STAG1: variants seen among roughly 807,000 people sequenced by gnomAD.
STAG1 encodes STAG1 cohesin complex component, also known as cohesin subunit SA-1.
STAG1 carries 26 observed loss-of-function variants against 170.9 expected under a neutral mutation model. The observed-to-expected ratio is 0.15, with a 90% CI of 0.11 to 0.21. The LOEUF (loss-of-function observed/expected upper bound fraction) is 0.21, where lower values mean the gene tolerates loss of function less well. Ranked by LOEUF, STAG1 falls within the 10% of genes least tolerant of loss-of-function variation. STAG1 has a pLI of 1.00. For synonymous variants in STAG1, 514 were observed against 497.7 expected, an observed-to-expected ratio of 1.03 and a Z score of -0.44; for missense variants, 964 against 1,509.5, an observed-to-expected ratio of 0.64 and a Z score of 5.99.
intron 1 of STAG1, among the ~76,000 whole-genome samples, chr3:136,662,527 T>G (rs887466212): frequency 6.6e-6 from 1 of 152,010 alleles, no homozygotes; most frequent in African/African-American, 2.4e-5. Context: ...CACTGCAGCA[T>G]CAACCTCCCA....
chr3:136,426,293 C>T (rs556472153), intron 16 of STAG1, among the ~76,000 whole-genome samples: 1 of 152,128 alleles, frequency 6.6e-6, no homozygotes, highest in East Asian at 1.9e-4. Flanking sequence ...GCCTGTAGTC[C>T]CAGCTACTCT....
chr3:136,522,506 A>C (rs1423961925), intron 6 of STAG1, among the ~76,000 whole-genome samples: 1 of 150,922 alleles, frequency 6.6e-6, no homozygotes, highest in Non-Finnish European at 1.5e-5. Flanking sequence ...ATATCACAAA[A>C]CCCCACTATA....
intron 7 of STAG1, 106 bp downstream of exon 7, chr3:136,521,107 T>C: frequency 4.2e-6 from 4 of 943,934 alleles, no homozygotes; most frequent in Non-Finnish European, 6.3e-6. Context: ...AATGACTGTT[T>C]TATTCTAATT....
At chr3:136,386,823 G>T (rs1398461190) in intron 22 of STAG1, among the ~76,000 whole-genome samples, 1 of 152,066 alleles carries the variant, frequency 6.6e-6, no homozygotes, top group Admixed American at 6.6e-5. Context: ...ATGAAATACG[G>T]TTAACATAAT....
At chr3:136,714,908 A>C (rs1323732482) in intron 1 of STAG1, among the ~76,000 whole-genome samples, 1 of 97,970 alleles carries the variant, frequency 1.0e-5, no homozygotes, top group African/African-American at 4.5e-5. Context: ...GCCCCATCTC[A>C]AAAAAAAAAA....
At chr3:136,477,139 T>A (rs868559560) in intron 10 of STAG1, 150 bp downstream of exon 10, 2 of 798,230 alleles carry the variant, frequency 2.5e-6, no homozygotes, top group Middle Eastern at 6.2e-4. Context: ...TTCATCACAA[T>A]CATCAAGTAA....
At chr3:136,740,656 T>C (rs1464606741) in intron 1 of STAG1, among the ~76,000 whole-genome samples, 2 of 152,150 alleles carry the variant, frequency 1.3e-5, no homozygotes, top group East Asian at 3.9e-4. Context: ...ATTTTTTGTA[T>C]TTTTTGTAGA....
intron 22 of STAG1, among the ~76,000 whole-genome samples, chr3:136,378,540 T>C (rs547673967): frequency 9.2e-5 from 14 of 152,278 alleles, no homozygotes; most frequent in Non-Finnish European, 1.8e-4. Flanking sequence ...TGGTGGAGCA[T>C]GCCTGTAGTC....
intron 9 of STAG1, among the ~76,000 whole-genome samples, chr3:136,485,927 G>A (rs1352817727): frequency 6.6e-6 from 1 of 152,078 alleles, no homozygotes; most frequent in Non-Finnish European, 1.5e-5. Context: ...GGAAATTTAA[G>A]TTGTTTCCAA....
chr3:136,549,081 A>G (rs554912711), intron 5 of STAG1, among the ~76,000 whole-genome samples: 2 of 152,338 alleles, frequency 1.3e-5, no homozygotes, highest in East Asian at 3.9e-4. Flanking sequence ...ACTCGGTCTC[A>G]GATATTTCTT....
chr3:136,475,666 G>A (rs1039338378), intron 10 of STAG1, among the ~76,000 whole-genome samples: 2 of 152,158 alleles, frequency 1.3e-5, no homozygotes, highest in Non-Finnish European at 2.9e-5. Flanking sequence ...AGTTCCTGAC[G>A]TAGGACAGCA....
chr3:136,541,537 T>TTCACAC (rs1559869026), intron 6 of STAG1, among the ~76,000 whole-genome samples: 1 of 50,826 alleles, frequency 2.0e-5, no homozygotes, highest in Admixed American at 1.9e-4. Context: ...AAGCTTAACA[T>TTCACAC]TCACACACAC....
intron 6 of STAG1, among the ~76,000 whole-genome samples, chr3:136,522,822 G>T (rs1338650595): frequency 6.7e-6 from 1 of 150,048 alleles, no homozygotes; most frequent in Non-Finnish European, 1.5e-5. Flanking sequence ...TGCAGTGTTT[G>T]GTTTTTTGTC....
intron 23 of STAG1, among the ~76,000 whole-genome samples, chr3:136,370,489 T>A (rs1399916166): frequency 6.6e-6 from 1 of 152,186 alleles, no homozygotes; most frequent in Non-Finnish European, 1.5e-5. Flanking sequence ...TAGGTGTATC[T>A]CCTAATGCTA....
intron 4 of STAG1, among the ~76,000 whole-genome samples, chr3:136,597,310 A>G (rs911551176): frequency 6.6e-6 from 1 of 152,170 alleles, no homozygotes; most frequent in Non-Finnish European, 1.5e-5. Context: ...GAAAGAAGGG[A>G]AAAAGTGGTT....
intron 13 of STAG1, among the ~76,000 whole-genome samples, chr3:136,463,265 AC>A (rs1176159411): frequency 1.3e-5 from 2 of 151,874 alleles, no homozygotes; most frequent in African/African-American, 2.4e-5. Flanking sequence ...GAGATTTCTT[AC>A]ATAGAAATAA....
At chr3:136,656,403 C>T (rs1232550458) in intron 1 of STAG1, among the ~76,000 whole-genome samples, 1 of 152,038 alleles carries the variant, frequency 6.6e-6, no homozygotes, top group Non-Finnish European at 1.5e-5. Flanking sequence ...CTAAACTATA[C>T]ACTTAAAAAT....
At chr3:136,454,615 AG>A (rs1436160710) in intron 13 of STAG1, among the ~76,000 whole-genome samples, 1 of 152,074 alleles carries the variant, frequency 6.6e-6, no homozygotes. Context: ...CCTGACCTCA[AG>A]TCGTCCACCT....
At chr3:136,747,442 A>T (rs1935000403) in intron 1 of STAG1, among the ~76,000 whole-genome samples, 1 of 152,108 alleles carries the variant, frequency 6.6e-6, no homozygotes, top group African/African-American at 2.4e-5. Context: ...TAATCCCAGC[A>T]CCTTGGGAGG....
Sources: gnomAD v4.1 joint callset for allele counts (sites outside exome capture counted in the v4.1 genomes callset) on GRCh38, gnomAD v4.1.1 for gene constraint, MANE v1.5 for transcripts, NCBI Gene and HGNC (gene_info 2026-07-23, HGNC 2026-07-21) for gene names.